Variants in ASTN1 observed in about 807,000 individuals in gnomAD.
ASTN1 encodes the protein astrotactin 1, also known as astrotactin-1.
ASTN1 carries 41 observed loss-of-function variants against 140.7 expected under a neutral mutation model. The ratio of observed to expected loss-of-function variants is 0.29; its 90% CI spans 0.23 to 0.38. The LOEUF (loss-of-function observed/expected upper bound fraction) is 0.38. ASTN1 is among the 10% of genes least tolerant of loss of function. ASTN1 has a pLI of 1.00. For missense variants in ASTN1, 1,479 were observed against 1,678.8 expected (o/e 0.88, Z 2.08); for synonymous variants, 640 against 652.2 (o/e 0.98, Z 0.29).
intron 1 of ASTN1, among the ~76,000 whole-genome samples, chr1:177,147,564 A>C (rs899945969): frequency 1.3e-5 from 2 of 152,232 alleles, no homozygotes; most frequent in African/African-American, 4.8e-5. Flanking sequence ...ATTGTACCTA[A>C]GACGTATAAG....
chr1:176,905,195 T>G (rs984686628), intron 16 of ASTN1, among the ~76,000 whole-genome samples: 4 of 152,288 alleles, frequency 2.6e-5, no homozygotes, highest in African/African-American at 9.6e-5. Flanking sequence ...CTGCCATTAC[T>G]TGCCCCAGCT....
At chr1:176,917,772 T>C (rs1354508184) in intron 16 of ASTN1, among the ~76,000 whole-genome samples, 1 of 152,088 alleles carries the variant, frequency 6.6e-6, no homozygotes, top group East Asian at 1.9e-4. Flanking sequence ...GACAGCACAC[T>C]CACCTTGGAG....
At chr1:177,034,164 A>G (rs1191797033) in intron 2 of ASTN1, among the ~76,000 whole-genome samples, 2 of 151,850 alleles carry the variant, frequency 1.3e-5, no homozygotes, top group African/African-American at 4.8e-5. Context: ...CATAATAATT[A>G]TACCTTGGAT....
Position 176,989,584 on chromosome 1 carries a change from G to A in ASTN1, c.1524-24347C>T, listed in dbSNP as rs147779139. Among the ~76,000 whole-genome samples the A allele has an allele frequency of 3.3e-5, 5 of 152,160 alleles. No homozygotes were observed. The East Asian group carries it at 7.7e-4, about 23-fold the overall frequency. Reference sequence around the variant, plus strand: ...TTTTTTTAAATGAAGAGTATGTGGGGCTCCCTTTATTTCTTCTCCCTTCCT... The same window carrying A: ...TTTTTTTAAATGAAGAGTATGTGGGACTCCCTTTATTTCTTCTCCCTTCCT... On this transcript the variant is annotated intron_variant, in intron 8 of 22. Coordinates refer to ENST00000361833, the MANE Select transcript of ASTN1 (RefSeq NM_004319.3).
intron 2 of ASTN1, among the ~76,000 whole-genome samples, chr1:177,035,186 G>A (rs1472302594): frequency 2.0e-5 from 3 of 152,136 alleles, no homozygotes; most frequent in East Asian, 1.9e-4. Context: ...CTTGCCCAAC[G>A]TCACACAGCA....
At chr1:176,910,944 TCATCCCCAAAC>T in intron 16 of ASTN1, among the ~76,000 whole-genome samples, 1 of 152,188 alleles carries the variant, frequency 6.6e-6, no homozygotes, top group East Asian at 1.9e-4. Context: ...TGCTCTTGAA[TCATCCCCAAAC>T]CATCCCCTCT....
intron 8 of ASTN1, among the ~76,000 whole-genome samples, chr1:176,990,506 C>T (rs367939607): frequency 4.7e-5 from 7 of 147,968 alleles, no homozygotes; most frequent in East Asian, 4.0e-4. Context: ...AAATCAAGAA[C>T]GAGTGTGAGG....
chr1:177,008,751 T>A (rs868809960), intron 8 of ASTN1, among the ~76,000 whole-genome samples: 8 of 151,122 alleles, frequency 5.3e-5, no homozygotes, highest in Non-Finnish European at 8.9e-5. Context: ...GGAAGAAGAA[T>A]TAAAAGAGAG....
Position 177,032,585 on chromosome 1 carries a change from T to C in ASTN1, c.736A>G (p.Ile246Val), listed in dbSNP as rs1345960249. 4.3e-6 allele frequency: 7 copies of C among 1,614,072 alleles called. No homozygotes were observed. Among genetic ancestry groups the C allele is most frequent in the Admixed American group, 3.3e-5 (2 of 60,008 alleles). Reference protein sequence around the residue: ...TPILDGYEYDITDLRHHLQRE... With the variant: ...TPILDGYEYDVTDLRHHLQRE... ...TGCAGATGGTGGCGCAGATCAGTGA[T>C]GTCATACTCATAGCCGTCCAGGATA... The change falls in exon 3 of 23, where the codon ATC becomes GTC. Residue 246 changes from isoleucine (I) to valine (V), a missense_variant. Physicochemically the swap from Ile to Val is conservative, Grantham distance 29. Around this residue, in one of 3 missense-constraint regions of ASTN1, gnomAD observed 729 missense variants for 860.4 expected, o/e 0.85. Coordinates refer to ENST00000361833, the MANE Select transcript of ASTN1 (RefSeq NM_004319.3).
intron 1 of ASTN1, among the ~76,000 whole-genome samples, chr1:177,150,165 A>C (rs557092012): frequency 2.0e-5 from 3 of 152,160 alleles, no homozygotes; most frequent in African/African-American, 7.2e-5. Context: ...GCTAAGTGTA[A>C]AGACAGGAAA....
intron 1 of ASTN1, among the ~76,000 whole-genome samples, 200 bp downstream of exon 1, chr1:177,164,194 C>A (rs1647561630): frequency 6.6e-6 from 1 of 151,772 alleles, no homozygotes; most frequent in African/African-American, 2.4e-5. Context: ...GCATCCAGGT[C>A]GGATTTGGGG....
At chr1:176,872,815 A>G (rs1191405624) in intron 21 of ASTN1, among the ~76,000 whole-genome samples, 1 of 152,052 alleles carries the variant, frequency 6.6e-6, no homozygotes, top group Non-Finnish European at 1.5e-5. Flanking sequence ...TTTCTGCACG[A>G]CTTTCTCCCT....
At position 176,861,957 on chromosome 1, in the gene ASTN1, A is replaced by G; in HGVS notation, c.*2327T>C. The G allele has an allele frequency of 3.0e-6, 3 of 985,592 alleles. No homozygotes were observed. Among genetic ancestry groups the G allele is most frequent in the South Asian group, 4.7e-5 (1 of 21,284 alleles). The allele number at this position is 985,592 out of a possible 1,614,324, so 61.1% of individuals were successfully genotyped here. A position where few individuals can be genotyped will look rare whatever the true frequency, so the allele number is the denominator to read the frequency against. On this transcript the variant is annotated 3_prime_UTR_variant, in exon 23 of 23. Transcript: ENST00000361833. ...CCCTCTCCCTGGCCTGTCAACTCCC[A>G]CATCATCCACTTCTGGGCAGGAAGG...
chr1:176,894,417 A>C, intron 17 of ASTN1, 145 bp downstream of exon 17: 1 of 1,068,064 alleles, frequency 9.4e-7, no homozygotes, highest in Non-Finnish European at 1.3e-6. Context: ...TAAACAAATT[A>C]GGTGCCCAGA....
chr1:176,934,628 T>TA (rs1671355891), intron 15 of ASTN1, among the ~76,000 whole-genome samples: 1 of 151,634 alleles, frequency 6.6e-6, no homozygotes, highest in African/African-American at 2.4e-5. Flanking sequence ...TTTTTTTTTT[T>TA]AAATCACAGG....
At chr1:176,985,558 T>A (rs555635128) in intron 8 of ASTN1, among the ~76,000 whole-genome samples, 6 of 152,168 alleles carry the variant, frequency 3.9e-5, no homozygotes, top group Non-Finnish European at 4.4e-5. Context: ...CTGCTTTCAT[T>A]ATTCCCCTTT....
At chr1:176,927,894 GA>G (rs1275845786) in intron 16 of ASTN1, among the ~76,000 whole-genome samples, 1 of 152,048 alleles carries the variant, frequency 6.6e-6, no homozygotes, top group Non-Finnish European at 1.5e-5. Flanking sequence ...ATGCTTGTGG[GA>G]AAAGCAATTT....
chr1:176,869,878 T>C (rs1464076535), intron 21 of ASTN1, among the ~76,000 whole-genome samples: 1 of 152,216 alleles, frequency 6.6e-6, no homozygotes, highest in East Asian at 1.9e-4. Context: ...GTGAAGAGTC[T>C]GGAGTGGCCT....
chr1:177,030,685 G>T (rs1676384523), intron 4 of ASTN1, 121 bp downstream of exon 4: 26 of 1,345,138 alleles, frequency 1.9e-5, no homozygotes, highest in South Asian at 9.4e-5. Context: ...CCTCCAGAAA[G>T]GCTGTGCCAG....
Sources: gnomAD v4.1 joint callset for allele counts (sites outside exome capture counted in the v4.1 genomes callset) on GRCh38, gnomAD v4.1.1 for gene constraint, gnomAD v4.1.1 regional missense constraint, MANE v1.5 for transcripts, NCBI Gene and HGNC (gene_info 2026-07-23, HGNC 2026-07-21) for gene names.